FBXW9: variants seen among roughly 807,000 people sequenced by gnomAD.
FBXW9 encodes F-box and WD repeat domain containing 9.
A neutral mutation model predicts 55.8 loss-of-function variants in FBXW9; 38 were observed. That is an observed-to-expected ratio of 0.68 (90% CI 0.53 to 0.89). The LOEUF is 0.89. Among genes scored for constraint, FBXW9 ranks in the 40% least tolerant of loss-of-function variants. FBXW9 has a pLI of 0.00. For missense variants in FBXW9, 590 were observed against 619.4 expected (o/e 0.95, Z 0.50); for synonymous variants, 289 against 278.2 (o/e 1.04, Z -0.38).
intron 1 of FBXW9, among the ~76,000 whole-genome samples, chr19:12,695,626 C>G (rs1459070179): frequency 6.6e-6 from 1 of 152,082 alleles, no homozygotes; most frequent in African/African-American, 2.4e-5. Context: ...TCAACAATAT[C>G]GATTCAAAGG....
rs2046844361 is a variant in FBXW9 at position 12,696,565 on chromosome 19, C to CCTAG, written c.13_16dup (p.Gly6AlafsTer6). 6.2e-7 allele frequency: 1 copy of CCTAG among 1,610,698 alleles called. No individual in the cohort carries two copies. Among genetic ancestry groups the CCTAG allele is most frequent in the Admixed American group, 1.7e-5 (1 of 59,938 alleles). ...CCAGGTGCGGGAATCATCGCACCGC[C>CCTAG]CTAGGGGAAGCTCCATTGCGACCGG... On this transcript the variant is annotated frameshift_variant, in exon 1 of 10. Coordinates refer to ENST00000393261, the MANE Select transcript of FBXW9 (RefSeq NM_032301.3). LOFTEE classifies it high-confidence loss of function.
chr19:12,695,618 A>AAG (rs2025061876), intron 1 of FBXW9, among the ~76,000 whole-genome samples: 1 of 152,142 alleles, frequency 6.6e-6, no homozygotes, highest in Admixed American at 6.5e-5. Flanking sequence ...TATCAGGATC[A>AAG]ACAATATCGA....
chr19:12,689,883 G>A lies in FBXW9; in HGVS notation c.1033-9C>T, dbSNP rs553633035. The A allele has an allele frequency of 1.2e-4, 197 of 1,613,664 alleles. 4 individuals carry two copies. In the South Asian group the frequency reaches 2.0e-3, roughly 16 times the overall value. ...AGCAGGTAGGAGTCCAGCTACGAGAGGGACAAGGGACGGGACAGCTCAGGC... is the reference window on the plus strand; with the variant it reads ...AGCAGGTAGGAGTCCAGCTACGAGAAGGACAAGGGACGGGACAGCTCAGGC... On this transcript the variant is annotated splice_polypyrimidine_tract_variant and intron_variant, in intron 6 of 9. Coordinates refer to ENST00000393261, the MANE Select transcript of FBXW9 (RefSeq NM_032301.3). The surrounding 1 kb of genome is among the most constrained non-coding windows in gnomAD (Gnocchi z 5.9).
chr19:12,693,275 T>C (rs548508267), intron 3 of FBXW9, among the ~76,000 whole-genome samples: 1 of 151,360 alleles, frequency 6.6e-6, no homozygotes, highest in South Asian at 2.1e-4. Context: ...ATGCTCAGAG[T>C]TGGCTGATCT....
chr19:12,693,516 A>G (rs2025030890), intron 3 of FBXW9, among the ~76,000 whole-genome samples: 1 of 31,178 alleles, frequency 3.2e-5, no homozygotes, highest in African/African-American at 1.2e-4. Context: ...AAAAAAAAAA[A>G]AAAAAAAAAA....
At chr19:12,695,838 C>T (rs929579054) in intron 1 of FBXW9, among the ~76,000 whole-genome samples, 3 of 152,134 alleles carry the variant, frequency 2.0e-5, no homozygotes, top group Admixed American at 1.3e-4. Context: ...ACTTCAAGTC[C>T]CTGTGTCAAT....
intron 3 of FBXW9, among the ~76,000 whole-genome samples, chr19:12,693,318 G>T (rs1415330677): frequency 6.6e-6 from 1 of 150,798 alleles, no homozygotes; most frequent in Non-Finnish European, 1.5e-5. Flanking sequence ...TTTACACTGG[G>T]CCTCTCAAGG....
chr19:12,692,592 G>T, intron 3 of FBXW9, among the ~76,000 whole-genome samples: 1 of 151,560 alleles, frequency 6.6e-6, no homozygotes, highest in Non-Finnish European at 1.5e-5. Flanking sequence ...CATGATCTCG[G>T]CTCACTGCAA....
chr19:12,690,114 C>T lies in FBXW9; in HGVS notation c.884-4G>A. ...TGCTTCAACAGGGCTGGGCCGGCTT[C>T]ATGGGTGATGGGCCGGTGAGGAGGG... On this transcript the variant is annotated splice_polypyrimidine_tract_variant and splice_region_variant and intron_variant, in intron 5 of 9. Transcript: ENST00000393261. 1 of 1,613,684 alleles carries T rather than the reference C, an allele frequency of 6.2e-7. No individual in the cohort carries two copies. The highest frequency in any genetic ancestry group is 1.1e-5 in the South Asian group (1 of 91,076).
In FBXW9 at chr19:12,691,413, G is replaced by A. The variant is rs769564389; in HGVS notation, c.720C>T (p.Cys240=). 5 of 1,606,052 alleles carry A rather than the reference G, an allele frequency of 3.1e-6. No homozygotes were observed. The highest frequency in any genetic ancestry group is 2.2e-5 in the South Asian group (2 of 90,026). ...TCACTGTGCTGTCCCAGGAGCCGGA[G>A]CACACGCGGTGGTCCTGCGCTGCCA... The part of the protein sequence containing the change: ...WSLAAQDHRV[C]SGSWDSTVKL... The change falls in exon 4 of 10, where the codon TGC becomes TGT. Residue 240 remains cysteine, a synonymous_variant. Transcript: ENST00000393261.
intron 3 of FBXW9, among the ~76,000 whole-genome samples, chr19:12,691,912 C>T (rs1389930056): frequency 6.6e-6 from 1 of 151,978 alleles, no homozygotes; most frequent in Non-Finnish European, 1.5e-5. Context: ...TGTGCCACCA[C>T]GCCCGGCTAA....
chr19:12,689,834 T>A lies in FBXW9; in HGVS notation c.1073A>T (p.Gln358Leu). ...GCCCTGGTTGTCACCAGCCCAGAGC[T>A]GGGGTTCCTGGTAGGACATGCAGAG... The part of the protein sequence containing the change: ...YLLCMSYQEP[Q>L]LWAGDNQGLL... Residue 358 changes from glutamine to leucine, a missense_variant, in exon 7 of 10, where the codon CAG (glutamine) becomes CTG (leucine). Physicochemically the swap from Gln to Leu is moderately radical, Grantham distance 113. Transcript: ENST00000393261. The surrounding 1 kb of genome is among the most constrained non-coding windows in gnomAD (Gnocchi z 5.9). 1.9e-6 allele frequency: 3 copies of A among 1,614,080 alleles called. No homozygotes were observed. The highest frequency in any genetic ancestry group is 2.5e-6 in the Non-Finnish European group (3 of 1,179,996).
In FBXW9 at chr19:12,694,717, C is replaced by A; in HGVS notation, c.555G>T (p.Gly185=). ...CTCGGGAGCCCGACAGACAGAGTGA[C>A]CCACCCTGGAAAGGGAGCAAGGTGA... is the stretch of plus-strand genomic sequence containing the variant. ...SVDSVLLLQG[G]SLCLSGSRDR... is the part of the protein sequence containing the mutation. The change falls in exon 3 of 10, where the codon GGG becomes GGT. Residue 185 remains glycine (G), a synonymous_variant. Transcript: ENST00000393261. 1 of 1,614,230 alleles carries A rather than the reference C, an allele frequency of 6.2e-7. No individual in the cohort carries two copies. Among genetic ancestry groups the A allele is most frequent in the Non-Finnish European group, 8.5e-7 (1 of 1,180,040 alleles).
At chr19:12,694,471 C>G in intron 3 of FBXW9, 123 bp downstream of exon 3, 1 of 1,096,688 alleles carries the variant, frequency 9.1e-7, no homozygotes, top group Non-Finnish European at 1.3e-6. Flanking sequence ...ACATCTCACT[C>G]AAAGTCACAC....
intron 5 of FBXW9, among the ~76,000 whole-genome samples, chr19:12,690,375 G>T (rs2024991226): frequency 6.6e-6 from 1 of 152,176 alleles, no homozygotes; most frequent in Non-Finnish European, 1.5e-5. Context: ...AGCTGACCAA[G>T]GTGGTCTCAG....
chr19:12,689,912 GCTGGGC>G lies in FBXW9; in HGVS notation c.1032+44_1033-39del, dbSNP rs2024981582. On this transcript the variant is annotated intron_variant, in intron 6 of 9. Coordinates refer to ENST00000393261, the MANE Select transcript of FBXW9 (RefSeq NM_032301.3). The surrounding 1 kb of genome is among the most constrained non-coding windows in gnomAD (Gnocchi z 5.9). ...CAAGGGACGGGACAGCTCAGGCCGG[GCTGGGC>G]CTGCAACAGTCCCCATCCCTCCAGG... 1 of 1,611,874 alleles carries G rather than the reference GCTGGGC, an allele frequency of 6.2e-7. No homozygotes were observed. The highest frequency in any genetic ancestry group is 8.5e-7 in the Non-Finnish European group (1 of 1,178,206).
At chr19:12,690,159 G>A in intron 5 of FBXW9, 49 bp from the exon 6 acceptor site, 1 of 1,607,146 alleles carries the variant, frequency 6.2e-7, no homozygotes, top group Non-Finnish European at 8.5e-7. Context: ...CCCCTCGAAG[G>A]CCCCCCCCAG....
intron 3 of FBXW9, among the ~76,000 whole-genome samples, chr19:12,693,104 A>G (rs1815605650): frequency 6.6e-6 from 1 of 152,076 alleles, no homozygotes; most frequent in Non-Finnish European, 1.5e-5. Flanking sequence ...GGCCCCAGAG[A>G]GGTTGAGTTT....
chr19:12,690,077 T>G lies in FBXW9; in HGVS notation c.917A>C (p.His306Pro). ...GPALLKHQQLHSRPVLTLLAD... is the reference protein window; with the variant it reads ...GPALLKHQQLPSRPVLTLLAD... ...CAGCAGGGTCAGCACGGGTCTGGAG[T>G]GTAGTTGCTGGTGCTTCAACAGGGC... Residue 306 changes from histidine to proline, a missense_variant, in exon 6 of 10, where the codon CAC becomes CCC. His to Pro is a moderately conservative substitution (Grantham distance 77, BLOSUM62 -2). Coordinates refer to ENST00000393261, the MANE Select transcript of FBXW9 (RefSeq NM_032301.3). The G allele has an allele frequency of 6.2e-7, 1 of 1,613,474 alleles. No individual in the cohort carries two copies. The highest frequency in any genetic ancestry group is 8.5e-7 in the Non-Finnish European group (1 of 1,179,876).
Sources: allele counts gnomAD v4.1 joint callset (sites outside exome capture counted in the v4.1 genomes callset), GRCh38; gene constraint gnomAD v4.1.1; non-coding constraint Gnocchi (gnomAD v3.1); transcripts MANE v1.5; gene names NCBI Gene and HGNC (gene_info 2026-07-23, HGNC 2026-07-21).